POLR3G: variants seen among roughly 807,000 people sequenced by gnomAD.
POLR3G encodes the protein DNA-directed RNA polymerase III subunit RPC7.
POLR3G carries 28 observed loss-of-function variants against 30.1 expected under a neutral mutation model. The ratio of observed to expected loss-of-function variants is 0.93; its 90% confidence interval spans 0.69 to 1.27. POLR3G has a LOEUF of 1.27. POLR3G is among the 50% of genes most tolerant of loss of function. The probability of loss-of-function intolerance (pLI) is 0.00; values close to 1 mark genes in which losing one functional copy is unlikely to be tolerated. For synonymous variants in POLR3G, 79 were observed against 82.5 expected (o/e 0.96, Z 0.23); for missense variants, 254 against 264.6 (o/e 0.96, Z 0.28).
intron 3 of POLR3G, among the ~76,000 whole-genome samples, chr5:90,495,332 C>T (rs1427989792): frequency 6.6e-6 from 1 of 152,116 alleles, no homozygotes; most frequent in Non-Finnish European, 1.5e-5. Flanking sequence ...AGTTTGTGCC[C>T]TCCTTAAGGG....
chr5:90,504,709 C>A (rs1382308597), intron 6 of POLR3G, among the ~76,000 whole-genome samples: 2 of 152,104 alleles, frequency 1.3e-5, no homozygotes, highest in Admixed American at 6.6e-5. Flanking sequence ...ATTAACTATA[C>A]AACTTATTGG....
At chr5:90,485,397 T>C in intron 1 of POLR3G, 128 bp from the exon 2 acceptor site, 1 of 576,548 alleles carries the variant, frequency 1.7e-6, no homozygotes, top group Non-Finnish European at 3.1e-6. Context: ...TGTTTATTTG[T>C]GTACATGTTT....
At chr5:90,482,848 C>G (rs546025852) in intron 1 of POLR3G, among the ~76,000 whole-genome samples, 50 of 152,232 alleles carry the variant, frequency 3.3e-4, no homozygotes, top group South Asian at 1.4e-3. Flanking sequence ...ACTTTAAAAT[C>G]TCTGATCTCT....
At position 90,495,736 on chromosome 5, in the gene POLR3G, A is replaced by G; in HGVS notation, c.304+3A>G. ...ATACAAGGAAGAATGGATACCAGGT[A>G]ACTACAAAACACACAATATGAAAAC... is the stretch of plus-strand genomic sequence containing the variant. On this transcript the variant is annotated splice_donor_region_variant and intron_variant, in intron 4 of 7. Coordinates refer to ENST00000651687, the MANE Select transcript of POLR3G (RefSeq NM_006467.3). 6.3e-7 allele frequency: 1 copy of G among 1,594,168 alleles called. No individual in the cohort carries two copies. Among genetic ancestry groups the G allele is most frequent in the Non-Finnish European group, 8.5e-7 (1 of 1,171,900 alleles).
chr5:90,490,406 T>A (rs1353190696), intron 3 of POLR3G, among the ~76,000 whole-genome samples: 2 of 151,772 alleles, frequency 1.3e-5, no homozygotes, highest in Non-Finnish European at 2.9e-5. Context: ...TTGTTTTATA[T>A]TTTATTTTGG....
At chr5:90,507,209 T>A (rs1467986840) in intron 7 of POLR3G, among the ~76,000 whole-genome samples, 1 of 152,178 alleles carries the variant, frequency 6.6e-6, no homozygotes, top group African/African-American at 2.4e-5. Context: ...CTGGAGTCAA[T>A]CAGGTATTTT....
chr5:90,479,398 G>A (rs2938788), intron 1 of POLR3G, among the ~76,000 whole-genome samples: 110,558 of 151,988 alleles, frequency 0.73, 40,469 homozygotes, highest in Admixed American at 0.78. Context: ...GCTTGAACCC[G>A]GGAGGCGGAG....
intron 3 of POLR3G, among the ~76,000 whole-genome samples, chr5:90,491,803 A>G (rs1048792396): frequency 2.6e-5 from 4 of 152,056 alleles, no homozygotes; most frequent in African/African-American, 9.7e-5. Flanking sequence ...ATTCCCCACT[A>G]TGCTGAAAAA....
intron 7 of POLR3G, among the ~76,000 whole-genome samples, chr5:90,511,648 C>G (rs1752744298): frequency 6.9e-6 from 1 of 145,212 alleles, no homozygotes; most frequent in African/African-American, 2.6e-5. Context: ...AAGTAAAAGT[C>G]TTTCTGGCTT....
At chr5:90,511,679 A>G (rs1752744789) in intron 7 of POLR3G, among the ~76,000 whole-genome samples, 1 of 151,136 alleles carries the variant, frequency 6.6e-6, no homozygotes. Context: ...ATGTTTTATG[A>G]CTAAAAATCT....
chr5:90,478,569 C>CTTTTTTTT (rs773881344), intron 1 of POLR3G, among the ~76,000 whole-genome samples: 6 of 79,326 alleles, frequency 7.6e-5, no homozygotes, highest in African/African-American at 2.0e-4. Flanking sequence ...CTGCGTGGTT[C>CTTTTTTTT]TTTTTTTTTT....
chr5:90,496,240 T>A (rs1364421989), intron 4 of POLR3G, among the ~76,000 whole-genome samples: 3 of 152,202 alleles, frequency 2.0e-5, no homozygotes, highest in African/African-American at 7.2e-5. Flanking sequence ...AGTGCTGGGA[T>A]TACAGGCATG....
chr5:90,485,749 C>T (rs1751408498), intron 2 of POLR3G, 65 bp downstream of exon 2: 10 of 1,105,824 alleles, frequency 9.0e-6, no homozygotes, highest in Non-Finnish European at 1.4e-5. Context: ...TATTAAAATT[C>T]TATATGGGAC....
In POLR3G at chr5:90,485,510, C is replaced by G; in HGVS notation, c.-43-15C>G. On this transcript the variant is annotated splice_polypyrimidine_tract_variant and intron_variant, in intron 1 of 7. Transcript: ENST00000651687. ...CTTTTTTATATGTGATCCAGTAAAT[C>G]GTAATCATTAATAGTGCCTTTCAGA... The G allele has an allele frequency of 1.7e-6, 2 of 1,176,816 alleles. No individual in the cohort carries two copies. Among genetic ancestry groups the G allele is most frequent in the East Asian group, 2.4e-5 (1 of 41,758 alleles). 72.9% of individuals were successfully genotyped at this position (1,176,816 alleles called of 1,614,324 possible).
intron 7 of POLR3G, among the ~76,000 whole-genome samples, chr5:90,511,670 T>C (rs1001803556): frequency 8.5e-5 from 13 of 152,146 alleles, no homozygotes; most frequent in Non-Finnish European, 1.8e-4. Flanking sequence ...TGCTTAGTTA[T>C]GTTTTATGAC....
intron 2 of POLR3G, among the ~76,000 whole-genome samples, chr5:90,487,535 G>C (rs1303720069): frequency 6.6e-6 from 1 of 151,550 alleles, no homozygotes; most frequent in Non-Finnish European, 1.5e-5. Flanking sequence ...GGGAATACAG[G>C]TGCCCGCCAC....
In POLR3G at chr5:90,513,312, T is replaced by C. The variant is rs1347660985; in HGVS notation, c.*1173T>C. 6.6e-6 allele frequency: 1 copy of C among 152,644 alleles called. No individual in the cohort carries two copies. Among genetic ancestry groups the C allele is most frequent in the Non-Finnish European group, 1.5e-5 (1 of 68,008 alleles). 9.5% of individuals were successfully genotyped at this position (152,644 alleles called of 1,614,324 possible). ...GAATCAGATCCCTAGATTCTATTTC[T>C]ACCTATACTATTAAACTCAACCTTG... On this transcript the variant is annotated 3_prime_UTR_variant, in exon 8 of 8. Coordinates refer to ENST00000651687, the MANE Select transcript of POLR3G (RefSeq NM_006467.3).
chr5:90,492,794 G>A (rs1308535716), intron 3 of POLR3G, among the ~76,000 whole-genome samples: 10 of 139,288 alleles, frequency 7.2e-5, no homozygotes. Flanking sequence ...AGGCAGGAGA[G>A]TGGAGTCAAC....
At chr5:90,491,902 A>G (rs1021206593) in intron 3 of POLR3G, among the ~76,000 whole-genome samples, 6 of 152,174 alleles carry the variant, frequency 3.9e-5, no homozygotes, top group Admixed American at 6.5e-5. Context: ...TAGTTTTCCT[A>G]TGGTGTTGTC....
Sources: allele counts gnomAD v4.1 joint callset (sites outside exome capture counted in the v4.1 genomes callset), GRCh38; gene constraint gnomAD v4.1.1; transcripts MANE v1.5; gene names NCBI Gene and HGNC (gene_info 2026-07-23, HGNC 2026-07-21).